LRRC4C: variants seen among roughly 807,000 people sequenced by gnomAD.
LRRC4C encodes leucine-rich repeat-containing protein 4C.
In LRRC4C, 5 loss-of-function variants were observed where a neutral mutation model predicts 33.6. The observed-to-expected ratio is 0.15, with a 90% CI of 0.08 to 0.31. The LOEUF (loss-of-function observed/expected upper bound fraction) is 0.31. Ranked by LOEUF, LRRC4C falls within the 10% of genes least tolerant of loss-of-function variation. The pLI is 1.00. For missense variants in LRRC4C, 560 were observed against 796.7 expected, an observed-to-expected ratio of 0.70 and a Z score of 3.58; for synonymous variants, 329 against 302.0, an observed-to-expected ratio of 1.09 and a Z score of -0.93.
intron 1 of LRRC4C, among the ~76,000 whole-genome samples, chr11:41,299,715 T>C (rs570141385): frequency 6.8e-4 from 104 of 152,264 alleles, no homozygotes; most frequent in Non-Finnish European, 5.9e-5. Context: ...ACAATAAACA[T>C]TGAAATTTTC....
At chr11:40,250,680 A>G (rs1348841729) in intron 4 of LRRC4C, among the ~76,000 whole-genome samples, 1 of 152,130 alleles carries the variant, frequency 6.6e-6, no homozygotes, top group Admixed American at 6.6e-5. Flanking sequence ...AAGAGGTTGC[A>G]GTGAGCCGAG....
At chr11:40,609,674 A>G (rs1961003370) in intron 3 of LRRC4C, among the ~76,000 whole-genome samples, 1 of 151,954 alleles carries the variant, frequency 6.6e-6, no homozygotes, top group African/African-American at 2.4e-5. Flanking sequence ...GAAAAAAGAG[A>G]GAAGACTTAG....
At position 41,310,480 on chromosome 11, in the gene LRRC4C, T is replaced by C. The variant is rs141352532; in HGVS notation, c.-496+148951A>G. Among the ~76,000 whole-genome samples the C allele has an allele frequency of 4.3e-3, 648 of 152,358 alleles. 1 individual carries two copies. The highest frequency in any genetic ancestry group is 0.014 in the Middle Eastern group (4 of 294). On this transcript the variant is annotated intron_variant, in intron 1 of 6. Transcript: ENST00000528697. ...TTTATAAGATCTGGATCAACTTTTCTAATTTCTGAACAAGTTCTTTGTGTT... is the reference window on the plus strand; with the variant it reads ...TTTATAAGATCTGGATCAACTTTTCCAATTTCTGAACAAGTTCTTTGTGTT...
chr11:40,863,872 T>C (rs900860702), intron 2 of LRRC4C, among the ~76,000 whole-genome samples: 27 of 152,146 alleles, frequency 1.8e-4, no homozygotes, highest in African/African-American at 6.5e-4. Context: ...GTTGTGTTCA[T>C]GTCACCTGTA....
At chr11:40,377,277 T>C (rs529227928) in intron 3 of LRRC4C, among the ~76,000 whole-genome samples, 5 of 152,230 alleles carry the variant, frequency 3.3e-5, no homozygotes, top group Admixed American at 2.0e-4. Flanking sequence ...TCCAACCATA[T>C]AGTAGAAAAA....
At chr11:40,841,843 T>C (rs1952930287) in intron 2 of LRRC4C, among the ~76,000 whole-genome samples, 1 of 152,220 alleles carries the variant, frequency 6.6e-6, no homozygotes, top group African/African-American at 2.4e-5. Flanking sequence ...AACACTGATT[T>C]GGCCATGTTA....
At chr11:41,421,250 C>T (rs1203428900) in intron 1 of LRRC4C, among the ~76,000 whole-genome samples, 1 of 151,896 alleles carries the variant, frequency 6.6e-6, no homozygotes, top group Non-Finnish European at 1.5e-5. Flanking sequence ...AAATCCCAAC[C>T]ATAGGCTTTA....
At chr11:40,199,023 T>A (rs190290730) in intron 5 of LRRC4C, among the ~76,000 whole-genome samples, 3 of 152,200 alleles carry the variant, frequency 2.0e-5, no homozygotes, top group Admixed American at 1.3e-4. Flanking sequence ...AGAAGAGTAA[T>A]GGGGAAGAGA....
rs561786425 is a variant in LRRC4C at position 41,438,907 on chromosome 11, T to A, written c.-496+20524A>T. Among the ~76,000 whole-genome samples the A allele has an allele frequency of 7.9e-5, 12 of 152,296 alleles. No homozygotes were observed. In the South Asian group the frequency reaches 2.5e-3, roughly 32 times the overall value. On this transcript the variant is annotated intron_variant, in intron 1 of 6. Transcript: ENST00000528697. ...TTAAATTTTTTTTTGTTTTAGCAAC[T>A]GATTCATTTGTTTTTATTTTTGTAG... is the stretch of plus-strand genomic sequence containing the variant.
At chr11:41,212,989 T>A (rs906217171) in intron 1 of LRRC4C, among the ~76,000 whole-genome samples, 1 of 152,238 alleles carries the variant, frequency 6.6e-6, no homozygotes, top group Admixed American at 6.5e-5. Flanking sequence ...GTTTATGACC[T>A]GGGACCTTTT....
chr11:41,119,795 T>A (rs1942330370), intron 1 of LRRC4C, among the ~76,000 whole-genome samples: 1 of 152,192 alleles, frequency 6.6e-6, no homozygotes, highest in Admixed American at 6.6e-5. Flanking sequence ...GATACATTTA[T>A]GCTTCACAGA....
intron 3 of LRRC4C, among the ~76,000 whole-genome samples, chr11:40,477,977 A>G (rs1217875206): frequency 6.6e-6 from 1 of 152,134 alleles, no homozygotes; most frequent in Admixed American, 6.5e-5. Flanking sequence ...TGAGAGTTTT[A>G]CAAATGGGAG....
At chr11:41,430,192 G>T (rs757587866) in intron 1 of LRRC4C, among the ~76,000 whole-genome samples, 5 of 152,084 alleles carry the variant, frequency 3.3e-5, no homozygotes, top group Non-Finnish European at 7.4e-5. Flanking sequence ...TTATTGGGAA[G>T]AACAAAGAAT....
chr11:40,355,408 C>A (rs1049736772), intron 3 of LRRC4C, among the ~76,000 whole-genome samples: 3 of 152,126 alleles, frequency 2.0e-5, no homozygotes, highest in Non-Finnish European at 2.9e-5. Context: ...GGAATTATAA[C>A]CCTTGTAGCC....
In LRRC4C at chr11:41,160,682, T is replaced by C. The variant is rs143841765; in HGVS notation, c.-495-226959A>G. Among the ~76,000 whole-genome samples the C allele has an allele frequency of 6.2e-3, 945 of 152,258 alleles. 15 individuals carry two copies. The highest frequency in any genetic ancestry group is 0.022 in the African/African-American group (897 of 41,548). ...GTGCAGGTGGCTGGCTATATAAAAA[T>C]AAATTTAAAAATAGTGATAATATTT... On this transcript the variant is annotated intron_variant, in intron 1 of 6. Transcript: ENST00000528697.
At chr11:40,352,911 A>C (rs1382250785) in intron 3 of LRRC4C, among the ~76,000 whole-genome samples, 2 of 152,132 alleles carry the variant, frequency 1.3e-5, no homozygotes, top group Non-Finnish European at 2.9e-5. Context: ...CTCTTGCCTG[A>C]CCTGTAAGGT....
chr11:41,321,099 C>A (rs1023488844), intron 1 of LRRC4C, among the ~76,000 whole-genome samples: 3 of 152,138 alleles, frequency 2.0e-5, no homozygotes, highest in Non-Finnish European at 4.4e-5. Context: ...TTAAAAGCTC[C>A]TAAAATTAAA....
At chr11:41,307,473 G>C (rs1314391142) in intron 1 of LRRC4C, among the ~76,000 whole-genome samples, 1 of 152,208 alleles carries the variant, frequency 6.6e-6, no homozygotes, top group African/African-American at 2.4e-5. Flanking sequence ...AGCTTTTCAT[G>C]AGATTTTCTG....
At chr11:40,421,628 C>T (rs1368086756) in intron 3 of LRRC4C, among the ~76,000 whole-genome samples, 1 of 152,188 alleles carries the variant, frequency 6.6e-6, no homozygotes, top group Non-Finnish European at 1.5e-5. Context: ...GGCTGATCTG[C>T]CCCACTCATC....
Sources: allele counts gnomAD v4.1 joint callset (sites outside exome capture counted in the v4.1 genomes callset), GRCh38; gene constraint gnomAD v4.1.1; transcripts MANE v1.5; gene names NCBI Gene and HGNC (gene_info 2026-07-23, HGNC 2026-07-21).